Variants in XYLT1 observed in about 807,000 individuals in gnomAD.
XYLT1 encodes the protein xylosyltransferase 1.
A neutral mutation model predicts 91.3 loss-of-function variants in XYLT1; 36 were observed. That is an observed-to-expected ratio of 0.39 (90% CI 0.30 to 0.52). The LOEUF is 0.52. XYLT1 is among the 20% of genes least tolerant of loss of function. The pLI, the probability that XYLT1 is intolerant of heterozygous loss-of-function variation, is 0.68. For missense variants in XYLT1, 1,242 were observed against 1,284.5 expected (o/e 0.97, Z 0.51); for synonymous variants, 588 against 532.0 (o/e 1.11, Z -1.45).
chr16:17,389,013 C>A (rs1487335006), intron 1 of XYLT1, among the ~76,000 whole-genome samples: 8 of 152,176 alleles, frequency 5.3e-5, no homozygotes, highest in Non-Finnish European at 1.2e-4. Flanking sequence ...CTAGCCCTGT[C>A]CTGGGGAAAC....
intron 1 of XYLT1, among the ~76,000 whole-genome samples, chr16:17,400,118 C>T (rs190472596): frequency 6.6e-6 from 1 of 152,320 alleles, no homozygotes; most frequent in East Asian, 1.9e-4. Flanking sequence ...GCAGCTTTCT[C>T]AGTCTTCGGC....
At chr16:17,116,522 G>A (rs889006128) in intron 11 of XYLT1, among the ~76,000 whole-genome samples, 4 of 152,078 alleles carry the variant, frequency 2.6e-5, no homozygotes, top group East Asian at 1.9e-4. Flanking sequence ...TGCTATTCAC[G>A]GCTGCATAGT....
chr16:17,198,481 C>T (rs1277419438), intron 4 of XYLT1, 67 bp from the exon 5 acceptor site: 73 of 1,489,100 alleles, frequency 4.9e-5, no homozygotes, highest in Non-Finnish European at 6.3e-5. Context: ...TGCCCCTCAC[C>T]CCTGTCCCCT....
chr16:17,257,409 C>T (rs569079382), intron 3 of XYLT1, among the ~76,000 whole-genome samples: 8 of 152,298 alleles, frequency 5.3e-5, no homozygotes, highest in South Asian at 2.1e-4. Context: ...ACCAACTCTT[C>T]GTGGGAAGGT....
At chr16:17,336,003 A>G (rs572573476) in intron 2 of XYLT1, among the ~76,000 whole-genome samples, 12 of 152,338 alleles carry the variant, frequency 7.9e-5, no homozygotes, top group African/African-American at 2.2e-4. Flanking sequence ...AAAAGGCTGC[A>G]ACAGAGAAGT....
At chr16:17,303,254 A>T (rs1219282341) in intron 2 of XYLT1, among the ~76,000 whole-genome samples, 1 of 152,196 alleles carries the variant, frequency 6.6e-6, no homozygotes, top group African/African-American at 2.4e-5. Context: ...TCTGGCCTGC[A>T]ATCCTCTTTT....
rs547434393 is a variant in XYLT1, at chr16:17,441,514, C to T, written c.363+28920G>A. On this transcript the variant is annotated intron_variant, in intron 1 of 11. Coordinates refer to ENST00000261381, the MANE Select transcript of XYLT1 (RefSeq NM_022166.4). ...AGTCCACTGCCTCTGCTCTTCTGTCCACCAAAGTCCTCACCATTCCCTATC... is the reference window on the plus strand; with the variant it reads ...AGTCCACTGCCTCTGCTCTTCTGTCTACCAAAGTCCTCACCATTCCCTATC... 5.7e-3 allele frequency among the ~76,000 whole-genome samples: 871 copies of T among 152,278 alleles called. 11 individuals are homozygous for T. The highest frequency in any genetic ancestry group is 0.019 in the African/African-American group (804 of 41,554).
At chr16:17,199,599 CA>C (rs1216344835) in intron 4 of XYLT1, among the ~76,000 whole-genome samples, 3 of 152,176 alleles carry the variant, frequency 2.0e-5, no homozygotes, top group Non-Finnish European at 4.4e-5. Context: ...ATAACTGAAT[CA>C]CAGGGGTGGT....
intron 2 of XYLT1, among the ~76,000 whole-genome samples, chr16:17,305,573 G>A (rs1439397215): frequency 6.6e-6 from 1 of 151,724 alleles, no homozygotes; most frequent in Non-Finnish European, 1.5e-5. Context: ...GCACCACCAC[G>A]CCCAGCTAAC....
intron 2 of XYLT1, among the ~76,000 whole-genome samples, chr16:17,268,193 T>C (rs1463456): frequency 0.65 from 98,160 of 152,122 alleles, 34,099 homozygotes; most frequent in African/African-American, 0.91. Flanking sequence ...AATCTAGCTA[T>C]CTTCTATTAA....
chr16:17,146,599 A>C (rs903378379), intron 6 of XYLT1, among the ~76,000 whole-genome samples: 2 of 151,936 alleles, frequency 1.3e-5, no homozygotes, highest in African/African-American at 4.8e-5. Flanking sequence ...ATGCACTTCC[A>C]CTCCTTTAAA....
Position 17,260,217 on chromosome 16 carries a change from G to A in XYLT1, c.403-719C>T, listed in dbSNP as rs116269451. ...GATCAGGAGTCATTCTGGAGACCAC[G>A]CATGGCATGGATGTTTCCAGAAGGG... is the stretch of plus-strand genomic sequence containing the variant. On this transcript the variant is annotated intron_variant, in intron 2 of 11. Transcript: ENST00000261381. 2.7e-3 allele frequency among the ~76,000 whole-genome samples: 410 copies of A among 152,224 alleles called. 1 individual carries two copies. The highest frequency in any genetic ancestry group is 9.0e-3 in the African/African-American group (373 of 41,556).
Position 17,470,819 on chromosome 16 carries a change from G to A in XYLT1, c.-23C>T. The A allele has an allele frequency of 1.0e-6, 1 of 989,128 alleles. No individual in the cohort carries two copies. The highest frequency in any genetic ancestry group is 1.2e-6 in the Non-Finnish European group (1 of 834,476). 61.3% of individuals were successfully genotyped at this position (989,128 alleles called of 1,614,324 possible). On this transcript the variant is annotated 5_prime_UTR_variant, in exon 1 of 12. Coordinates refer to ENST00000261381, the MANE Select transcript of XYLT1 (RefSeq NM_022166.4). ...CATCTTCGGAGCGCGGCCGGCGAGC[G>A]AGGCGCGGGGACCCCGGCACGCTCC...
chr16:17,184,576 T>C (rs2032142975), intron 5 of XYLT1, among the ~76,000 whole-genome samples: 2 of 152,152 alleles, frequency 1.3e-5, no homozygotes, highest in South Asian at 4.1e-4. Flanking sequence ...AAATTGAAAA[T>C]TTAGTTCCTC....
At chr16:17,430,092 G>A (rs778323007) in intron 1 of XYLT1, among the ~76,000 whole-genome samples, 3 of 151,530 alleles carry the variant, frequency 2.0e-5, no homozygotes, top group East Asian at 1.9e-4. Flanking sequence ...GCCCACCACC[G>A]CGCTCAGCTA....
intron 1 of XYLT1, among the ~76,000 whole-genome samples, chr16:17,460,570 T>G (rs1659584798): frequency 6.6e-6 from 1 of 152,110 alleles, no homozygotes; most frequent in Non-Finnish European, 1.5e-5. Flanking sequence ...GTCTTCCAAA[T>G]GGGCTGCAAA....
At chr16:17,355,406 G>C (rs550636313) in intron 2 of XYLT1, 1 of 152,226 alleles carries the variant, frequency 6.6e-6, no homozygotes, top group African/African-American at 2.4e-5. Context: ...AAGTTTAATA[G>C]GGTATCCTTC....
chr16:17,373,157 G>A (rs562226537), intron 1 of XYLT1, among the ~76,000 whole-genome samples: 7 of 152,136 alleles, frequency 4.6e-5, no homozygotes, highest in African/African-American at 1.2e-4. Flanking sequence ...GTTTTGTTTC[G>A]TTTTAAATCA....
At chr16:17,352,537 C>T (rs377552772) in intron 2 of XYLT1, among the ~76,000 whole-genome samples, 5 of 152,186 alleles carry the variant, frequency 3.3e-5, no homozygotes, top group East Asian at 3.9e-4. Flanking sequence ...GGAACCCAGA[C>T]ATACTACGCA....
Sources: allele counts gnomAD v4.1 joint callset (sites outside exome capture counted in the v4.1 genomes callset), GRCh38; gene constraint gnomAD v4.1.1; transcripts MANE v1.5; gene names NCBI Gene and HGNC (gene_info 2026-07-23, HGNC 2026-07-21).